The following NEK1 variants were observed in gnomAD, a reference collection of about 807,000 sequenced individuals.
NEK1 encodes the protein serine/threonine-protein kinase Nek1.
NEK1 carries 137 observed loss-of-function variants against 182.1 expected under a neutral mutation model. That is an observed-to-expected ratio of 0.75 (90% CI 0.65 to 0.87). The LOEUF (loss-of-function observed/expected upper bound fraction) is 0.87, where lower values mean the gene tolerates loss of function less well. Among genes scored for constraint, NEK1 ranks in the 40% least tolerant of loss-of-function variants. NEK1 has a pLI of 0.00. For missense variants in NEK1, 1,391 were observed against 1,494.4 expected, an observed-to-expected ratio of 0.93 and a Z score of 1.14; for synonymous variants, 513 against 492.2, an observed-to-expected ratio of 1.04 and a Z score of -0.56.
intron 31 of NEK1, among the ~76,000 whole-genome samples, chr4:169,416,835 G>T (rs781485067): frequency 6.6e-6 from 1 of 152,126 alleles, no homozygotes; most frequent in South Asian, 2.1e-4. Flanking sequence ...AGCCCAGGAG[G>T]TTGAGGCTGC....
intron 6 of NEK1, among the ~76,000 whole-genome samples, chr4:169,589,823 T>A (rs1047908480): frequency 2.5e-4 from 38 of 151,814 alleles, no homozygotes; most frequent in African/African-American, 8.2e-4. Context: ...AGCAAAAAAA[T>A]TAAAAGGATA....
At chr4:169,477,846 G>A (rs1747255340) in intron 24 of NEK1, among the ~76,000 whole-genome samples, 1 of 151,160 alleles carries the variant, frequency 6.6e-6, no homozygotes. Flanking sequence ...GTAGAAATTA[G>A]AGGAAAATTC....
chr4:169,563,674 T>C (rs1176025663), intron 12 of NEK1, among the ~76,000 whole-genome samples: 1 of 152,224 alleles, frequency 6.6e-6, no homozygotes, highest in African/African-American at 2.4e-5. Flanking sequence ...CTGACTTTAA[T>C]GATAATGCTT....
intron 29 of NEK1, among the ~76,000 whole-genome samples, chr4:169,430,764 G>A (rs919921121): frequency 9.2e-5 from 14 of 151,890 alleles, no homozygotes; most frequent in African/African-American, 3.4e-4. Flanking sequence ...ATAGTAATGT[G>A]TCAATATTGG....
chr4:169,610,016 C>CT (rs538596187), intron 2 of NEK1, among the ~76,000 whole-genome samples: 24,334 of 135,316 alleles, frequency 0.18, 3,061 homozygotes, highest in African/African-American at 0.36. Flanking sequence ...CTAAGAATTT[C>CT]TTTTTTTTTT....
rs72974758 is a variant in NEK1, at chr4:169,587,883, T to C, written c.552-270A>G. On this transcript the variant is annotated intron_variant, in intron 8 of 35. Coordinates refer to ENST00000507142, the MANE Select transcript of NEK1 (RefSeq NM_001199397.3). ...TCAAAAAAATTCACGTAAATTCTATTTTTATTTCATAAAACTCAAACTTTT... is the reference window on the plus strand; with the variant it reads ...TCAAAAAAATTCACGTAAATTCTATCTTTATTTCATAAAACTCAAACTTTT... 0.093 allele frequency among the ~76,000 whole-genome samples: 14,212 copies of C among 152,110 alleles called. 752 individuals carry two copies. Among genetic ancestry groups the C allele is most frequent in the East Asian group, 0.17 (874 of 5,186 alleles).
At chr4:169,492,115 A>G (rs1031431756) in intron 23 of NEK1, among the ~76,000 whole-genome samples, 4 of 152,224 alleles carry the variant, frequency 2.6e-5, no homozygotes, top group Non-Finnish European at 5.9e-5. Flanking sequence ...CCAGAAAACA[A>G]TAACAAATGC....
chr4:169,396,222 T>C (rs1190705560), intron 35 of NEK1, among the ~76,000 whole-genome samples: 1 of 151,102 alleles, frequency 6.6e-6, no homozygotes, highest in African/African-American at 2.4e-5. Flanking sequence ...AAAAATTAGC[T>C]GGGTGTGGTG....
intron 5 of NEK1, among the ~76,000 whole-genome samples, chr4:169,595,839 C>T (rs375262471): frequency 1.4e-5 from 2 of 141,804 alleles, no homozygotes; most frequent in East Asian, 2.2e-4. Flanking sequence ...AGAAGAATGG[C>T]GTGAACCCGG....
intron 2 of NEK1, among the ~76,000 whole-genome samples, chr4:169,607,686 A>G (rs1428004707): frequency 2.0e-5 from 3 of 151,946 alleles, no homozygotes; most frequent in Non-Finnish European, 2.9e-5. Context: ...GATGGTCTCG[A>G]TCTCCTGACC....
At chr4:169,459,183 G>T (rs1037338277) in intron 27 of NEK1, among the ~76,000 whole-genome samples, 1 of 151,936 alleles carries the variant, frequency 6.6e-6, no homozygotes. Context: ...TCAACAATAA[G>T]AAAATAAAGT....
intron 26 of NEK1, among the ~76,000 whole-genome samples, chr4:169,475,817 A>G (rs986177741): frequency 3.3e-5 from 5 of 152,196 alleles, no homozygotes; most frequent in African/African-American, 1.2e-4. Context: ...TGAAAAGTAC[A>G]TTGAATAGAA....
chr4:169,556,173 T>A, intron 16 of NEK1, 78 bp from the exon 17 acceptor site: 2 of 1,279,492 alleles, frequency 1.6e-6, no homozygotes, highest in Non-Finnish European at 2.1e-6. Flanking sequence ...AAAGAAAAAG[T>A]AAATTTCAAT....
At chr4:169,575,402 T>C (rs1290831437) in intron 12 of NEK1, among the ~76,000 whole-genome samples, 4 of 152,234 alleles carry the variant, frequency 2.6e-5, no homozygotes, top group Non-Finnish European at 2.9e-5. Flanking sequence ...TCCTGATTAG[T>C]GTGTTTCCTT....
At chr4:169,498,049 T>C (rs1751694962) in intron 23 of NEK1, among the ~76,000 whole-genome samples, 4 of 152,208 alleles carry the variant, frequency 2.6e-5, no homozygotes, top group South Asian at 2.1e-4. Context: ...CTAAGTCTCT[T>C]TGTAGGTCTC....
At chr4:169,483,969 CTTTG>C (rs889602389) in intron 23 of NEK1, among the ~76,000 whole-genome samples, 65 of 151,170 alleles carry the variant, frequency 4.3e-4, no homozygotes, top group Middle Eastern at 3.4e-3. Context: ...TATTTTGAAA[CTTTG>C]TTTGTTTTAA....
chr4:169,466,998 AC>A (rs1401352644), intron 26 of NEK1, among the ~76,000 whole-genome samples: 1 of 151,746 alleles, frequency 6.6e-6, no homozygotes, highest in Non-Finnish European at 1.5e-5. Flanking sequence ...GCCAAGACCA[AC>A]CCCCCAACTT....
chr4:169,572,034 G>C (rs541809317), intron 12 of NEK1, among the ~76,000 whole-genome samples: 1 of 151,746 alleles, frequency 6.6e-6, no homozygotes, highest in South Asian at 2.1e-4. Context: ...AGGAGCCACC[G>C]GGCCCGGCCG....
intron 5 of NEK1, among the ~76,000 whole-genome samples, chr4:169,598,382 G>A (rs551819412): frequency 6.6e-6 from 1 of 152,042 alleles, no homozygotes; most frequent in South Asian, 2.1e-4. Context: ...TAGGAATGTA[G>A]AGAAGGAAAA....
Sources: gnomAD v4.1 joint callset for allele counts (sites outside exome capture counted in the v4.1 genomes callset) on GRCh38, gnomAD v4.1.1 for gene constraint, MANE v1.5 for transcripts, NCBI Gene and HGNC (gene_info 2026-07-23, HGNC 2026-07-21) for gene names.